Variants in DLGAP1 observed in about 807,000 individuals in gnomAD.
DLGAP1 encodes the protein disks large-associated protein 1.
Under a neutral mutation model 90.8 loss-of-function variants are expected in DLGAP1, and 11 were observed. That is an observed-to-expected ratio of 0.12 (90% CI 0.08 to 0.20). DLGAP1 has a LOEUF of 0.20. Ranked by LOEUF, DLGAP1 falls within the 10% of genes least tolerant of loss-of-function variation. DLGAP1 has a pLI of 1.00. For synonymous variants in DLGAP1, 558 were observed against 540.7 expected (o/e 1.03, Z -0.44); for missense variants, 1,050 against 1,333.8 (o/e 0.79, Z 3.31).
Position 4,178,367 on chromosome 18 carries a change from A to AT in DLGAP1, c.-266-27081dup, listed in dbSNP as rs199595227. Among the ~76,000 whole-genome samples the AT allele has an allele frequency of 9.5e-3, 1,442 of 151,256 alleles. 22 individuals are homozygous for AT. Among genetic ancestry groups the AT allele is most frequent in the African/African-American group, 0.029 (1,192 of 41,272 alleles). On this transcript the variant is annotated intron_variant, in intron 1 of 12. Coordinates refer to ENST00000315677, the MANE Select transcript of DLGAP1 (RefSeq NM_004746.4). ...GAACTATAAGCACACACCACTATAT[A>AT]TTTTTTTTTATCTCTGCTTACTTGA...
At chr18:3,551,158 C>CATATATATATATATATAT (rs1275015577) in intron 9 of DLGAP1, among the ~76,000 whole-genome samples, 15 of 7,834 alleles carry the variant, frequency 1.9e-3, no homozygotes, top group Admixed American at 0.013. Flanking sequence ...ATATTATATA[C>CATATATATATATATATAT]ATATATATAT....
intron 7 of DLGAP1, among the ~76,000 whole-genome samples, chr18:3,641,322 C>T (rs1023892685): frequency 2.6e-5 from 4 of 151,692 alleles, no homozygotes; most frequent in African/African-American, 4.8e-5. Context: ...CCAAGGCAGG[C>T]GGATCACCTG....
At chr18:3,555,640 G>A (rs1005225954) in intron 9 of DLGAP1, among the ~76,000 whole-genome samples, 67 of 151,870 alleles carry the variant, frequency 4.4e-4, no homozygotes, top group African/African-American at 1.6e-3. Flanking sequence ...GTGAAACCCC[G>A]TCTCTACTAA....
intron 2 of DLGAP1, among the ~76,000 whole-genome samples, chr18:4,080,826 G>A (rs1450711001): frequency 6.6e-6 from 1 of 151,756 alleles, no homozygotes; most frequent in Non-Finnish European, 1.5e-5. Context: ...AAGCTTCTGA[G>A]CCCCATGAGG....
chr18:4,147,266 T>C (rs1300604583), intron 2 of DLGAP1, among the ~76,000 whole-genome samples: 1 of 152,180 alleles, frequency 6.6e-6, no homozygotes, highest in Non-Finnish European at 1.5e-5. Flanking sequence ...ATGTACAATT[T>C]ATCTTGATAT....
intron 1 of DLGAP1, among the ~76,000 whole-genome samples, chr18:4,258,318 A>G (rs1254616992): frequency 1.3e-5 from 2 of 151,864 alleles, no homozygotes; most frequent in Non-Finnish European, 2.9e-5. Flanking sequence ...TGCTGAGATA[A>G]CAGGCTTGAG....
At chr18:3,560,743 C>T (rs2054041815) in intron 9 of DLGAP1, among the ~76,000 whole-genome samples, 1 of 150,574 alleles carries the variant, frequency 6.6e-6, no homozygotes, top group Non-Finnish European at 1.5e-5. Flanking sequence ...TATTTTTTTG[C>T]CTTTGCTCTT....
intron 7 of DLGAP1, among the ~76,000 whole-genome samples, chr18:3,680,509 CG>C (rs1216838275): frequency 1.3e-5 from 2 of 152,106 alleles, no homozygotes; most frequent in Non-Finnish European, 2.9e-5. Flanking sequence ...ATTTGGAGGC[CG>C]GGCGTGCTGG....
intron 9 of DLGAP1, among the ~76,000 whole-genome samples, chr18:3,551,722 CCCTTCCTTCCTTCCTTCCTT>C (rs1156785378): frequency 0.036 from 450 of 12,504 alleles, 18 homozygotes; most frequent in Middle Eastern, 0.14. Context: ...CTCCCTCCCT[CCCTTCCTTCCTTCCTTCCTT>C]CCTTCCTTCC....
intron 9 of DLGAP1, among the ~76,000 whole-genome samples, chr18:3,537,269 C>G (rs1336369904): frequency 6.6e-6 from 1 of 152,168 alleles, no homozygotes; most frequent in Non-Finnish European, 1.5e-5. Context: ...TTTCCTCCTC[C>G]CCCTGGCCCC....
rs370806369 is a variant in DLGAP1 at position 3,517,817 on chromosome 18, C to T, written c.2480-9156G>A. Among the ~76,000 whole-genome samples, 2,373 of 70,882 alleles carry T rather than the reference C, an allele frequency of 0.033. 67 individuals are homozygous for T. Among genetic ancestry groups the T allele is most frequent in the African/African-American group, 0.095 (2,198 of 23,126 alleles). 46.5% of individuals were successfully genotyped at this position (70,882 alleles called of 152,430 possible). A position where few individuals can be genotyped will look rare whatever the true frequency, so the allele number is the denominator to read the frequency against. On this transcript the variant is annotated intron_variant, in intron 10 of 12. Transcript: ENST00000315677. The surrounding 1 kb of genome is among the most constrained non-coding windows in gnomAD (Gnocchi z 4.1). ...GGGCAACAAGAGAGAAACTCTGTCTCGGAAAAAAAAAAAAAAGAAGAGAGT... is the reference window on the plus strand; with the variant it reads ...GGGCAACAAGAGAGAAACTCTGTCTTGGAAAAAAAAAAAAAAGAAGAGAGT...
At position 3,729,575 on chromosome 18, in the gene DLGAP1, T is replaced by C. The variant is rs148660119; in HGVS notation, c.1351-200A>G. ...ATTCCAAACAATAGATTACTTTTTT[T>C]TTCTTGTATTTTTAGTAGAGACAGG... On this transcript the variant is annotated intron_variant, in intron 6 of 12. Transcript: ENST00000315677. This position sits in a 1 kb window ranked among gnomAD's most constrained non-coding sequence, Gnocchi z 6.2. Among the ~76,000 whole-genome samples, 47 of 152,232 alleles carry C rather than the reference T, an allele frequency of 3.1e-4. 2 individuals are homozygous for C. In the East Asian group the frequency reaches 9.1e-3, roughly 29 times the overall value.
intron 1 of DLGAP1, among the ~76,000 whole-genome samples, chr18:4,172,687 C>T (rs958532639): frequency 6.6e-6 from 1 of 152,146 alleles, no homozygotes; most frequent in Non-Finnish European, 1.5e-5. Flanking sequence ...CAAGCCATCC[C>T]CCATAGCAAC....
intron 3 of DLGAP1, among the ~76,000 whole-genome samples, chr18:3,939,180 T>A (rs1599188459): frequency 6.6e-6 from 1 of 151,432 alleles, no homozygotes; most frequent in South Asian, 2.1e-4. Flanking sequence ...CCCAGCACTT[T>A]GGCCAAGGTG....
Position 4,454,014 on chromosome 18 carries a change from C to T in DLGAP1, c.-267+992G>A, listed in dbSNP as rs369773808. Among the ~76,000 whole-genome samples, 1 of 152,172 alleles carries T rather than the reference C, an allele frequency of 6.6e-6. No homozygotes were observed. Among genetic ancestry groups the T allele is most frequent in the Non-Finnish European group, 1.5e-5 (1 of 68,038 alleles). ...TGGAGGCAAGCCCTGCAGCCGGGGG[C>T]GAGCGCGGCACTCGGACACAGGCAC... On this transcript the variant is annotated intron_variant, in intron 1 of 12. Coordinates refer to ENST00000315677, the MANE Select transcript of DLGAP1 (RefSeq NM_004746.4). The surrounding 1 kb of genome is among the most constrained non-coding windows in gnomAD (Gnocchi z 4.7).
At chr18:4,195,174 T>A (rs2077473699) in intron 1 of DLGAP1, among the ~76,000 whole-genome samples, 1 of 152,192 alleles carries the variant, frequency 6.6e-6, no homozygotes, top group Non-Finnish European at 1.5e-5. Context: ...TTTATCTACA[T>A]GAACTCTAGA....
At chr18:4,362,985 T>C (rs2081662139) in intron 1 of DLGAP1, among the ~76,000 whole-genome samples, 1 of 152,070 alleles carries the variant, frequency 6.6e-6, no homozygotes, top group African/African-American at 2.4e-5. Context: ...TTGGCATTAC[T>C]GGAAGCAATG....
chr18:3,990,710 G>T (rs973641092), intron 3 of DLGAP1, among the ~76,000 whole-genome samples: 3 of 150,578 alleles, frequency 2.0e-5, no homozygotes, highest in African/African-American at 2.4e-5. Flanking sequence ...ATTAAAAGAA[G>T]AATAACCAGA....
chr18:4,204,739 A>T lies in DLGAP1; in HGVS notation c.-266-53452T>A, dbSNP rs567101970. ...AATGTAGATGAAGTAAGAGGTAAAA[A>T]AAATTCAGTTTAGAATTGTAAAGGG... On this transcript the variant is annotated intron_variant, in intron 1 of 12. Transcript: ENST00000315677. Among the ~76,000 whole-genome samples the T allele has an allele frequency of 5.9e-5, 9 of 152,338 alleles. No individual in the cohort carries two copies. The East Asian group carries it at 1.7e-3, about 29-fold the overall frequency.
Sources: allele counts gnomAD v4.1 joint callset (sites outside exome capture counted in the v4.1 genomes callset), GRCh38; gene constraint gnomAD v4.1.1; non-coding constraint Gnocchi (gnomAD v3.1); transcripts MANE v1.5; gene names NCBI Gene and HGNC (gene_info 2026-07-23, HGNC 2026-07-21).